COL5A1: variants seen among roughly 807,000 people sequenced by gnomAD.
The protein encoded by COL5A1 is collagen alpha-1(V) chain.
In COL5A1, 16 loss-of-function variants were observed where a neutral mutation model predicts 263.7. The ratio of observed to expected loss-of-function variants is 0.06; its 90% CI spans 0.04 to 0.09. COL5A1 has a LOEUF of 0.09. COL5A1 is among the 10% of genes least tolerant of loss of function. The probability of loss-of-function intolerance (pLI) is 1.00; values close to 1 mark genes in which losing one functional copy is unlikely to be tolerated. For synonymous variants in COL5A1, 1,012 were observed against 1,004.5 expected (o/e 1.01, Z -0.14); for missense variants, 2,036 against 2,540.5 (o/e 0.80, Z 4.27).
At chr9:134,814,067 G>C in intron 49 of COL5A1, 31 bp downstream of exon 49, 1 of 1,548,792 alleles carries the variant, frequency 6.5e-7, no homozygotes, top group South Asian at 1.2e-5. Flanking sequence ...GGAGGGGTGG[G>C]ATATGGCCGA....
intron 1 of COL5A1, among the ~76,000 whole-genome samples, chr9:134,665,388 C>G (rs1832325901): frequency 6.6e-6 from 1 of 152,194 alleles, no homozygotes; most frequent in South Asian, 2.1e-4. Flanking sequence ...ATGAAGTTTT[C>G]ATTTGCTGAG....
intron 64 of COL5A1, among the ~76,000 whole-genome samples, chr9:134,831,138 C>T (rs774435132): frequency 6.6e-6 from 1 of 152,210 alleles, no homozygotes; most frequent in Non-Finnish European, 1.5e-5. Flanking sequence ...GTTGCTGCAC[C>T]CTGGCACCAG....
intron 11 of COL5A1, 40 bp from the exon 12 acceptor site, chr9:134,750,502 G>C: frequency 6.3e-7 from 1 of 1,591,286 alleles, no homozygotes. Flanking sequence ...CCCTGGCCTG[G>C]TTGCACTCTG....
At chr9:134,730,100 C>T in intron 6 of COL5A1, 136 bp from the exon 7 acceptor site, 2 of 1,342,806 alleles carry the variant, frequency 1.5e-6, no homozygotes, top group South Asian at 1.2e-5. Flanking sequence ...CCCAAGAGGT[C>T]TCTGGGCCTC....
rs563428878 is a variant in COL5A1, at chr9:134,655,311, AC to A, written c.109+13018del. Among the ~76,000 whole-genome samples, 379 of 151,944 alleles carry A rather than the reference AC, an allele frequency of 2.5e-3. 3 individuals carry two copies. Among genetic ancestry groups the A allele is most frequent in the African/African-American group, 8.7e-3 (360 of 41,392 alleles). The stretch of plus-strand genomic sequence containing the variant: ...GATGTGGGAGGCAGGGTGAGTCCCC[AC>A]CCGAGGGAGGCGGAGGTGGAGCTCA... On this transcript the variant is annotated intron_variant, in intron 1 of 65. Coordinates refer to ENST00000371817, the MANE Select transcript of COL5A1 (RefSeq NM_000093.5).
At chr9:134,645,626 A>G (rs1214854912) in intron 1 of COL5A1, among the ~76,000 whole-genome samples, 1 of 152,206 alleles carries the variant, frequency 6.6e-6, no homozygotes, top group Non-Finnish European at 1.5e-5. Context: ...CAGCTGCACC[A>G]TCTCACTGCA....
chr9:134,784,939 A>G, intron 29 of COL5A1, 50 bp from the exon 30 acceptor site: 1 of 1,270,842 alleles, frequency 7.9e-7, no homozygotes, highest in Non-Finnish European at 1.1e-6. Flanking sequence ...GGTGGAGAAT[A>G]GTGTGTGTGC....
intron 1 of COL5A1, chr9:134,649,450 T>C (rs753007149): frequency 1.3e-5 from 6 of 466,846 alleles, no homozygotes. Context: ...TGCCGAGATG[T>C]CTCTGCCCAT....
intron 42 of COL5A1, among the ~76,000 whole-genome samples, chr9:134,808,215 C>G (rs1164939335): frequency 2.0e-5 from 3 of 152,120 alleles, no homozygotes; most frequent in East Asian, 1.9e-4. Flanking sequence ...ATTGAATGTA[C>G]ATTCTCTATT....
At chr9:134,817,192 A>C in intron 53 of COL5A1, 113 bp downstream of exon 53, 1 of 936,874 alleles carries the variant, frequency 1.1e-6, no homozygotes, top group East Asian at 2.6e-5. Flanking sequence ...CTGATGAGGA[A>C]GGGCTCGGGT....
intron 4 of COL5A1, among the ~76,000 whole-genome samples, chr9:134,718,223 C>T (rs570734892): frequency 3.3e-5 from 5 of 152,242 alleles, no homozygotes; most frequent in Non-Finnish European, 7.3e-5. Flanking sequence ...AACATGCTCC[C>T]GCCGTGGCCG....
At position 134,802,957 on chromosome 9, in the gene COL5A1, C is replaced by G; in HGVS notation, c.3076C>G (p.Gln1026Glu). The G allele has an allele frequency of 6.2e-7, 1 of 1,610,314 alleles. No individual in the cohort carries two copies. The highest frequency in any genetic ancestry group is 2.2e-5 in the East Asian group (1 of 44,768). Residue 1026 changes from glutamine to glutamate, a missense_variant, in exon 39 of 66, where the codon CAG becomes GAG. Gln to Glu is a conservative substitution (Grantham distance 29). Coordinates refer to ENST00000371817, the MANE Select transcript of COL5A1 (RefSeq NM_000093.5). ...TGGGCCCCCTGGACCCCCCGGTGAA[C>G]AGGGGCTTCCGGGCCTTGCTGGAAA... Reference protein sequence around the residue: ...HPGPPGPPGEQGLPGLAGKEG... With the variant: ...HPGPPGPPGEEGLPGLAGKEG...
chr9:134,798,566 GGGAGAGACAGGTTGGCCTCA>G, intron 37 of COL5A1, 105 bp downstream of exon 37: 4 of 828,044 alleles, frequency 4.8e-6, no homozygotes, highest in African/African-American at 1.9e-5. Context: ...CTCCTGGCCT[GGGAGAGACAGGTTGGCCTCA>G]GAAAGGCTCC....
chr9:134,782,279 C>T (rs114932378), intron 28 of COL5A1, among the ~76,000 whole-genome samples: 1,777 of 152,378 alleles, frequency 0.012, 34 homozygotes, highest in African/African-American at 0.04. Flanking sequence ...TCCAGCTCCC[C>T]GTCCTCAATT....
At chr9:134,728,112 C>A (rs1234935851) in intron 5 of COL5A1, among the ~76,000 whole-genome samples, 2 of 152,258 alleles carry the variant, frequency 1.3e-5, no homozygotes, top group African/African-American at 4.8e-5. Context: ...TTTCAGGAAG[C>A]TGTGGGACCC....
chr9:134,808,315 C>T (rs917308658), intron 42 of COL5A1, among the ~76,000 whole-genome samples: 2 of 152,140 alleles, frequency 1.3e-5, no homozygotes, highest in Non-Finnish European at 2.9e-5. Flanking sequence ...ATATAGGCTG[C>T]TCACAGAGTG....
chr9:134,679,699 TAGG>T (rs1832796849), intron 1 of COL5A1, among the ~76,000 whole-genome samples: 1 of 115,608 alleles, frequency 8.6e-6, no homozygotes. Flanking sequence ...CGGGGCTGGT[TAGG>T]GGGCACTGCA....
At chr9:134,771,344 C>G (rs1836859071) in intron 25 of COL5A1, among the ~76,000 whole-genome samples, 1 of 152,256 alleles carries the variant, frequency 6.6e-6, no homozygotes, top group Non-Finnish European at 1.5e-5. Context: ...CTGTTCAGGT[C>G]CAGCCCGGCC....
intron 7 of COL5A1, among the ~76,000 whole-genome samples, chr9:134,731,154 C>T (rs181725791): frequency 8.7e-4 from 133 of 152,340 alleles, no homozygotes; most frequent in East Asian, 6.6e-3. Context: ...CACCTCGTTC[C>T]AGCAGGTCCA....
Sources: allele counts gnomAD v4.1 joint callset (sites outside exome capture counted in the v4.1 genomes callset), GRCh38; gene constraint gnomAD v4.1.1; transcripts MANE v1.5; gene names NCBI Gene and HGNC (gene_info 2026-07-23, HGNC 2026-07-21).